Variants in MAP3K7 observed in about 807,000 individuals in gnomAD.
MAP3K7 encodes the protein mitogen-activated protein kinase kinase kinase 7, also known as TGF-beta activated kinase 1.
Under a neutral mutation model 84.8 loss-of-function variants are expected in MAP3K7, and 21 were observed. The ratio of observed to expected loss-of-function variants is 0.25; its 90% CI spans 0.18 to 0.36. The LOEUF (loss-of-function observed/expected upper bound fraction) is 0.36. Among genes scored for constraint, MAP3K7 ranks in the 10% least tolerant of loss-of-function variants. The probability of loss-of-function intolerance (pLI) is 1.00; values close to 1 mark genes in which losing one functional copy is unlikely to be tolerated. For synonymous variants in MAP3K7, 241 were observed against 247.7 expected (o/e 0.97, Z 0.25); for missense variants, 503 against 747.7 (o/e 0.67, Z 3.82).
At chr6:90,564,485 A>C (rs1402018097) in intron 3 of MAP3K7, among the ~76,000 whole-genome samples, 2 of 152,298 alleles carry the variant, frequency 1.3e-5, no homozygotes, top group Middle Eastern at 3.4e-3. Flanking sequence ...GCCATTACAT[A>C]ATGGTAAAGG....
In MAP3K7 at chr6:90,579,797, C is replaced by T. The variant is rs184852529; in HGVS notation, c.120+6967G>A. Among the ~76,000 whole-genome samples the T allele has an allele frequency of 3.9e-5, 6 of 152,078 alleles. No homozygotes were observed. In the East Asian group the frequency reaches 9.7e-4, roughly 24 times the overall value. On this transcript the variant is annotated intron_variant, in intron 1 of 16. Transcript: ENST00000369329. ...TTCATCTCCCATTGTTTAAAAATAC[C>T]GACTTCATACATACACACTGAAAAC...
intron 1 of MAP3K7, among the ~76,000 whole-genome samples, chr6:90,580,397 T>C (rs1777230696): frequency 6.6e-6 from 1 of 152,216 alleles, no homozygotes; most frequent in South Asian, 2.1e-4. Flanking sequence ...CTAGTCCAAG[T>C]TCACAAATCA....
At chr6:90,536,217 G>A (rs1468157921) in intron 13 of MAP3K7, 120 bp downstream of exon 13, 1 of 686,150 alleles carries the variant, frequency 1.5e-6, no homozygotes, top group Non-Finnish European at 2.5e-6. Flanking sequence ...CAGGTGCAAT[G>A]AATTTCTCTA....
intron 16 of MAP3K7, among the ~76,000 whole-genome samples, chr6:90,517,577 C>T (rs1255838839): frequency 1.3e-5 from 2 of 151,690 alleles, no homozygotes; most frequent in African/African-American, 4.8e-5. Flanking sequence ...GCTTTTTCAA[C>T]ATAAAAGTGC....
At chr6:90,533,450 T>C (rs1419059902) in intron 13 of MAP3K7, among the ~76,000 whole-genome samples, 1 of 152,106 alleles carries the variant, frequency 6.6e-6, no homozygotes, top group Non-Finnish European at 1.5e-5. Flanking sequence ...TTGAGTGATT[T>C]TGGGGAAACT....
intron 1 of MAP3K7, among the ~76,000 whole-genome samples, chr6:90,572,072 A>G (rs1375574722): frequency 6.6e-6 from 1 of 152,092 alleles, no homozygotes; most frequent in East Asian, 1.9e-4. Flanking sequence ...AAACCAAAAA[A>G]GACACATGGA....
rs1488190685 is a variant in MAP3K7, at chr6:90,515,582, AGCTG to A, written c.*915_*918del. 6.6e-6 allele frequency: 1 copy of A among 150,898 alleles called. No homozygotes were observed. The highest frequency in any genetic ancestry group is 6.6e-5 in the Admixed American group (1 of 15,088). 9.3% of individuals were successfully genotyped at this position (150,898 alleles called of 1,614,324 possible). A position where few individuals can be genotyped will look rare whatever the true frequency, so the allele number is the denominator to read the frequency against. ...AGAAATCTAAGTCCAAGCTTTTTTT[AGCTG>A]GAGTAATTACTTCCATTTTCCATTA... On this transcript the variant is annotated 3_prime_UTR_variant, in exon 17 of 17. Transcript: ENST00000369329.
At position 90,515,683 on chromosome 6, in the gene MAP3K7, T is replaced by C. The variant is rs901402285; in HGVS notation, c.*818A>G. The C allele has an allele frequency of 8.6e-5, 13 of 151,832 alleles. No individual in the cohort carries two copies. Among genetic ancestry groups the C allele is most frequent in the African/African-American group, 3.1e-4 (13 of 41,362 alleles). 9.4% of individuals were successfully genotyped at this position (151,832 alleles called of 1,614,324 possible). ...GAATCACTGCAGGAAGAAATGATCA[T>C]TTAAGCTCAATCATGTTCTTTTGCC... On this transcript the variant is annotated 3_prime_UTR_variant, in exon 17 of 17. Coordinates refer to ENST00000369329, the MANE Select transcript of MAP3K7 (RefSeq NM_145331.3).
chr6:90,564,927 A>G (rs538506073), intron 3 of MAP3K7, among the ~76,000 whole-genome samples: 1 of 152,240 alleles, frequency 6.6e-6, no homozygotes, highest in East Asian at 1.9e-4. Flanking sequence ...ACTCAAAACC[A>G]CTCAACTACA....
intron 3 of MAP3K7, among the ~76,000 whole-genome samples, chr6:90,567,927 G>A (rs1776765383): frequency 6.6e-6 from 1 of 152,182 alleles, no homozygotes. Context: ...CATGGATGAA[G>A]CTGGAAACCA....
At chr6:90,543,688 C>G (rs1775920009) in intron 12 of MAP3K7, among the ~76,000 whole-genome samples, 1 of 152,024 alleles carries the variant, frequency 6.6e-6, no homozygotes, top group Non-Finnish European at 1.5e-5. Flanking sequence ...AACTCGCACT[C>G]ATGAACGTGT....
At chr6:90,538,857 CAT>C (rs1337845391) in intron 12 of MAP3K7, among the ~76,000 whole-genome samples, 3 of 151,856 alleles carry the variant, frequency 2.0e-5, no homozygotes, top group African/African-American at 7.2e-5. Flanking sequence ...CAGTTAAGCT[CAT>C]AGTTTTCCTT....
At chr6:90,524,933 T>C (rs1229807533) in intron 13 of MAP3K7, among the ~76,000 whole-genome samples, 2 of 152,014 alleles carry the variant, frequency 1.3e-5, no homozygotes, top group Non-Finnish European at 2.9e-5. Context: ...TTCAAAGGTA[T>C]TTACTAAAAG....
At chr6:90,557,824 C>G (rs1314143897) in intron 5 of MAP3K7, among the ~76,000 whole-genome samples, 5 of 152,162 alleles carry the variant, frequency 3.3e-5, no homozygotes, top group Admixed American at 1.3e-4. Flanking sequence ...TCTTTGTAGG[C>G]TTACTTTCAC....
At chr6:90,556,768 G>T in intron 5 of MAP3K7, 144 bp from the exon 6 acceptor site, 1 of 787,478 alleles carries the variant, frequency 1.3e-6, no homozygotes, top group Non-Finnish European at 1.9e-6. Context: ...TAATTTACTT[G>T]GTCACTATAA....
chr6:90,523,920 TTA>T (rs1250673042), intron 13 of MAP3K7, 137 bp from the exon 14 acceptor site: 4 of 567,638 alleles, frequency 7.0e-6, no homozygotes, highest in Non-Finnish European at 1.3e-5. Context: ...AAATCCTCTC[TTA>T]TATATATGTA....
At chr6:90,560,242 G>T (rs1466413736) in intron 4 of MAP3K7, 28 bp from the exon 5 acceptor site, 1 of 1,613,256 alleles carries the variant, frequency 6.2e-7, no homozygotes, top group East Asian at 2.2e-5. Flanking sequence ...AAACTAAAAA[G>T]AACTTTATTG....
chr6:90,551,796 C>T lies in MAP3K7; in HGVS notation c.867+253G>A, dbSNP rs1391581581. Reference sequence around the variant, plus strand: ...AGGCCCAGAGACAAACATACTTGTCCACTAATGTAAGCAAAAAGAAAAAAG... The same window carrying T: ...AGGCCCAGAGACAAACATACTTGTCTACTAATGTAAGCAAAAAGAAAAAAG... On this transcript the variant is annotated intron_variant, in intron 8 of 16. Coordinates refer to ENST00000369329, the MANE Select transcript of MAP3K7 (RefSeq NM_145331.3). The T allele has an allele frequency of 1.3e-4, 41 of 322,732 alleles. 1 individual carries two copies. The highest frequency in any genetic ancestry group is 1.1e-5 in the Non-Finnish European group (2 of 174,656). The allele number at this position is 322,732 out of a possible 1,614,324, so 20.0% of individuals were successfully genotyped here. A position where few individuals can be genotyped will look rare whatever the true frequency, so the allele number is the denominator to read the frequency against.
intron 2 of MAP3K7, among the ~76,000 whole-genome samples, chr6:90,569,554 C>A (rs1314023318): frequency 1.3e-5 from 2 of 152,106 alleles, no homozygotes; most frequent in African/African-American, 2.4e-5. Context: ...AATCTTGGGT[C>A]ACTGCAACCT....
Sources: allele counts gnomAD v4.1 joint callset (sites outside exome capture counted in the v4.1 genomes callset), GRCh38; gene constraint gnomAD v4.1.1; transcripts MANE v1.5; gene names NCBI Gene and HGNC (gene_info 2026-07-23, HGNC 2026-07-21).